Variants in RYR2 observed in about 807,000 individuals in gnomAD.
The protein encoded by RYR2 is cardiac muscle ryanodine receptor-calcium release channel.
RYR2 carries 227 observed loss-of-function variants against 601.1 expected under a neutral mutation model. The observed-to-expected ratio is 0.38, with a 90% confidence interval of 0.34 to 0.42. RYR2 has a LOEUF of 0.42. RYR2 is among the 10% of genes least tolerant of loss of function. RYR2 has a pLI of 1.00. For missense variants in RYR2, 4,646 were observed against 6,156.5 expected (o/e 0.75, Z 8.21); for synonymous variants, 2,223 against 2,175.1 (o/e 1.02, Z -0.61).
chr1:237,054,704 C>A (rs554501656), intron 1 of RYR2, among the ~76,000 whole-genome samples: 2 of 152,214 alleles, frequency 1.3e-5, no homozygotes, highest in African/African-American at 2.4e-5. Flanking sequence ...TAAATAAAAT[C>A]TTTGATGTGT....
chr1:237,384,874 T>C (rs1038394482), intron 8 of RYR2, among the ~76,000 whole-genome samples: 1 of 151,422 alleles, frequency 6.6e-6, no homozygotes, highest in Non-Finnish European at 1.5e-5. Context: ...ACCTTCCATA[T>C]CCATTTATTT....
chr1:237,133,609 C>A (rs754824332), intron 1 of RYR2, among the ~76,000 whole-genome samples: 10 of 152,082 alleles, frequency 6.6e-5, no homozygotes, highest in Non-Finnish European at 1.5e-4. Context: ...ATTAGACATT[C>A]CCCCAGTTGT....
chr1:237,068,916 A>C (rs931500652), intron 1 of RYR2, among the ~76,000 whole-genome samples: 1 of 152,168 alleles, frequency 6.6e-6, no homozygotes, highest in Non-Finnish European at 1.5e-5. Context: ...TGTAATGGTA[A>C]CATTGCACTG....
At chr1:237,809,821 T>G (rs1213760148) in intron 100 of RYR2, among the ~76,000 whole-genome samples, 1 of 152,104 alleles carries the variant, frequency 6.6e-6, no homozygotes, top group Non-Finnish European at 1.5e-5. Flanking sequence ...AATTTTATAC[T>G]AAAGAATGAC....
At chr1:237,792,025 G>T in intron 93 of RYR2, 80 bp from the exon 94 acceptor site, 2 of 981,442 alleles carry the variant, frequency 2.0e-6, no homozygotes, top group Non-Finnish European at 3.1e-6. Context: ...TTGCTGAAAA[G>T]GCTGTATTTC....
intron 1 of RYR2, among the ~76,000 whole-genome samples, chr1:237,127,565 A>AC (rs1253453662): frequency 1.5e-3 from 190 of 129,412 alleles, no homozygotes; most frequent in African/African-American, 4.6e-3. Context: ...CGGGGGGCTG[A>AC]CCCCCCCCAC....
chr1:237,331,782 G>A (rs1696767653), intron 3 of RYR2, among the ~76,000 whole-genome samples: 1 of 151,810 alleles, frequency 6.6e-6, no homozygotes, highest in Admixed American at 6.6e-5. Context: ...CCAAAGTGCT[G>A]GGATTACAGG....
chr1:237,163,798 C>G (rs934226280), intron 1 of RYR2, among the ~76,000 whole-genome samples: 1 of 152,194 alleles, frequency 6.6e-6, no homozygotes, highest in Admixed American at 6.5e-5. Context: ...AGATGTCAAA[C>G]CTTTTGAGCC....
chr1:237,588,814 C>T (rs896855356), intron 29 of RYR2, among the ~76,000 whole-genome samples: 1 of 141,366 alleles, frequency 7.1e-6, no homozygotes, highest in Admixed American at 7.4e-5. Flanking sequence ...GCCTGGGTGA[C>T]AGAACGAGAC....
At chr1:237,620,211 C>G (rs1237390783) in intron 38 of RYR2, among the ~76,000 whole-genome samples, 1 of 151,974 alleles carries the variant, frequency 6.6e-6, no homozygotes, top group Non-Finnish European at 1.5e-5. Flanking sequence ...GGTTTCTATC[C>G]TTCACTCAAA....
Position 237,731,891 on chromosome 1 carries a change from T to TAC in RYR2, c.10936-128_10936-127dup, listed in dbSNP as rs71561898. ...TATAGCATGTATAATGCATATAAAA[T>TAC]ACACACACACACACACACACACACA... is the stretch of plus-strand genomic sequence containing the variant. On this transcript the variant is annotated intron_variant, in intron 77 of 104. Coordinates refer to ENST00000366574, the MANE Select transcript of RYR2 (RefSeq NM_001035.3). 0.21 allele frequency among the ~76,000 whole-genome samples: 30,395 copies of TAC among 147,282 alleles called. 3,542 individuals are homozygous for TAC. The highest frequency in any genetic ancestry group is 0.29 in the Middle Eastern group (84 of 290).
rs138730065 is a variant in RYR2 at position 237,117,861 on chromosome 1, T to G, written c.48+75292T>G. Among the ~76,000 whole-genome samples, 772 of 152,292 alleles carry G rather than the reference T, an allele frequency of 5.1e-3. 39 individuals are homozygous for G. In the East Asian group the frequency reaches 0.14, roughly 27 times the overall value. ...CCTGGGTTCAAATGATTCTCCTGCC[T>G]CAGCCTCCCAAGTAGCTGGGTTACA... On this transcript the variant is annotated intron_variant, in intron 1 of 104. Transcript: ENST00000366574.
chr1:237,508,628 G>T (rs1195385435), intron 23 of RYR2, among the ~76,000 whole-genome samples: 1 of 151,166 alleles, frequency 6.6e-6, no homozygotes, highest in Non-Finnish European at 1.5e-5. Context: ...TTTAAGAACT[G>T]ACTAAAATAT....
intron 1 of RYR2, among the ~76,000 whole-genome samples, chr1:237,263,364 A>G (rs1259040907): frequency 3.3e-5 from 5 of 152,222 alleles, no homozygotes; most frequent in Non-Finnish European, 7.3e-5. Context: ...AGTGTTAGAC[A>G]ATAGAGATGT....
intron 17 of RYR2, among the ~76,000 whole-genome samples, chr1:237,489,384 C>T (rs901564273): frequency 6.6e-6 from 1 of 152,124 alleles, no homozygotes; most frequent in Non-Finnish European, 1.5e-5. Context: ...AGGCTGGGCA[C>T]GGTGGCTCAC....
intron 100 of RYR2, among the ~76,000 whole-genome samples, chr1:237,812,819 C>T (rs1661387909): frequency 6.6e-6 from 1 of 152,128 alleles, no homozygotes. Flanking sequence ...GGCCCACCTG[C>T]CCACTTCTTA....
intron 1 of RYR2, among the ~76,000 whole-genome samples, chr1:237,133,549 A>G (rs1672391856): frequency 6.6e-6 from 1 of 152,188 alleles, no homozygotes; most frequent in Non-Finnish European, 1.5e-5. Flanking sequence ...ATTTATGCAC[A>G]AGAAGAAAAC....
At chr1:237,063,130 T>C (rs2148257636) in intron 1 of RYR2, among the ~76,000 whole-genome samples, 1 of 152,216 alleles carries the variant, frequency 6.6e-6, no homozygotes, top group South Asian at 2.1e-4. Context: ...GAGAGAGCTC[T>C]CTTGCTCTAC....
At chr1:237,441,057 G>T (rs1707853963) in intron 12 of RYR2, among the ~76,000 whole-genome samples, 2 of 151,722 alleles carry the variant, frequency 1.3e-5, no homozygotes, top group Admixed American at 1.3e-4. Context: ...CTGATTTTAA[G>T]ATCTCTGGTT....
Sources: gnomAD v4.1 joint callset for allele counts (sites outside exome capture counted in the v4.1 genomes callset) on GRCh38, gnomAD v4.1.1 for gene constraint, MANE v1.5 for transcripts, NCBI Gene and HGNC (gene_info 2026-07-23, HGNC 2026-07-21) for gene names.